Variants in FBXO22 observed in about 807,000 individuals in gnomAD.
FBXO22 encodes F-box only protein 22.
Under a neutral mutation model 37.2 loss-of-function variants are expected in FBXO22, and 13 were observed. The ratio of observed to expected loss-of-function variants is 0.35; its 90% CI spans 0.23 to 0.56. FBXO22 has a LOEUF of 0.56. Ranked by LOEUF, FBXO22 falls within the 20% of genes least tolerant of loss-of-function variation. The pLI, the probability that FBXO22 is intolerant of heterozygous loss-of-function variation, is 0.87. For synonymous variants in FBXO22, 189 were observed against 189.1 expected (o/e 1.00, Z 0.00); for missense variants, 446 against 509.9 (o/e 0.87, Z 1.21).
At chr15:75,923,231 C>G (rs1449836746) in intron 5 of FBXO22, among the ~76,000 whole-genome samples, 1 of 152,082 alleles carries the variant, frequency 6.6e-6, no homozygotes, top group Non-Finnish European at 1.5e-5. Context: ...GATAAAATTG[C>G]TATATTTGTT....
At chr15:75,929,732 GATAAAAA>G (rs1287125108) in intron 5 of FBXO22, 145 bp from the exon 6 acceptor site, 9 of 707,102 alleles carry the variant, frequency 1.3e-5, no homozygotes, top group Middle Eastern at 4.2e-4. Context: ...TATAAAATAA[GATAAAAA>G]ATAAAAAATG....
chr15:75,913,182 A>ATTTTTTTTTTTTTTTTTT (rs367627596), intron 2 of FBXO22, 21 bp from the exon 3 acceptor site: 8 of 1,178,226 alleles, frequency 6.8e-6, no homozygotes, highest in Non-Finnish European at 7.1e-6. Context: ...TCCAATTCCA[A>ATTTTTTTTTTTTTTTTTT]TTTTTTTTTT....
chr15:75,932,642 T>C, intron 6 of FBXO22, 43 bp from the exon 7 acceptor site: 1 of 1,522,604 alleles, frequency 6.6e-7, no homozygotes, highest in Non-Finnish European at 8.8e-7. Context: ...ACTTAAAAAT[T>C]TTAATGTTTC....
intron 3 of FBXO22, among the ~76,000 whole-genome samples, chr15:75,913,875 A>G (rs1900124683): frequency 6.6e-6 from 1 of 152,226 alleles, no homozygotes; most frequent in Admixed American, 6.5e-5. Context: ...GGCAAAAGCA[A>G]TATATGAACA....
At chr15:75,924,762 G>A (rs1430949843) in intron 5 of FBXO22, among the ~76,000 whole-genome samples, 2 of 152,168 alleles carry the variant, frequency 1.3e-5, no homozygotes, top group South Asian at 2.1e-4. Flanking sequence ...ACTGCTGAGC[G>A]TTGGCAAGAT....
rs2030127789 is a variant in FBXO22 at position 75,933,203 on chromosome 15, A to ATATC, written c.*103_*106dup. ...ATTTCAAACAAAAATAACTTTAGAT[A>ATATC]TATCTTTTTTGTAGCTTTGATTGAT... On this transcript the variant is annotated 3_prime_UTR_variant, in exon 7 of 7. Coordinates refer to ENST00000308275, the MANE Select transcript of FBXO22 (RefSeq NM_147188.3). 4 of 999,586 alleles carry ATATC rather than the reference A, an allele frequency of 4.0e-6. No individual in the cohort carries two copies. In the African/African-American group the frequency reaches 4.9e-5, roughly 12 times the overall value. The allele number at this position is 999,586 out of a possible 1,614,324, so 61.9% of individuals were successfully genotyped here.
chr15:75,903,882 C>G lies in FBXO22; in HGVS notation c.-82C>G. Reference sequence around the variant, plus strand: ...AAGTGGCGCGGACGCCTGCTCAGTGCGCGCCGGCCGGGCAACCCTATGCTG... The same window carrying G: ...AAGTGGCGCGGACGCCTGCTCAGTGGGCGCCGGCCGGGCAACCCTATGCTG... On this transcript the variant is annotated 5_prime_UTR_variant, in exon 1 of 7. Coordinates refer to ENST00000308275, the MANE Select transcript of FBXO22 (RefSeq NM_147188.3). The G allele has an allele frequency of 7.2e-7, 1 of 1,389,976 alleles. No individual in the cohort carries two copies. Among genetic ancestry groups the G allele is most frequent in the African/African-American group, 1.5e-5 (1 of 67,700 alleles). The allele number at this position is 1,389,976 out of a possible 1,614,324, so 86.1% of individuals were successfully genotyped here.
At chr15:75,914,351 T>C in intron 4 of FBXO22, 146 bp downstream of exon 4, 2 of 613,966 alleles carry the variant, frequency 3.3e-6, no homozygotes, top group South Asian at 4.1e-5. Flanking sequence ...CATGGCATTA[T>C]ATTTGCCTTA....
chr15:75,913,343 G>A (rs1322348775), intron 3 of FBXO22, 53 bp downstream of exon 3: 7 of 1,247,272 alleles, frequency 5.6e-6, no homozygotes, highest in South Asian at 3.6e-5. Flanking sequence ...TGTGCCTTCC[G>A]TTCGGAGTTC....
chr15:75,930,321 C>G, intron 6 of FBXO22: 2 of 1,356,546 alleles, frequency 1.5e-6, no homozygotes, highest in Non-Finnish European at 1.9e-6. Context: ...TTTCCTTTGA[C>G]AGATGTGGTA....
Position 75,929,940 on chromosome 15 carries a change from A to G in FBXO22, c.685A>G (p.Lys229Glu). The change falls in exon 6 of 7, where the codon AAG (lysine) becomes GAG (glutamate). Residue 229 changes from lysine (K) to glutamate (E), a missense_variant. This residue lies in a region of FBXO22 where 315 missense variants were observed against 410.1 expected (regional missense o/e 0.77). Transcript: ENST00000308275. ...CCTTGTCTTTGGTTATAATTGCTGT[A>G]AGGTGGGAGCCAGTAATTATCTGCA... ...VVLVFGYNCCKVGASNYLQQV... is the reference protein window; with the variant it reads ...VVLVFGYNCCEVGASNYLQQV... The G allele has an allele frequency of 6.2e-7, 1 of 1,614,070 alleles. No homozygotes were observed. Among genetic ancestry groups the G allele is most frequent in the Non-Finnish European group, 8.5e-7 (1 of 1,179,940 alleles).
Position 75,941,352 on chromosome 15 carries a change from T to TGTA in FBXO22, c.*8252_*8254dup, listed in dbSNP as rs1297494873. 1 of 152,202 alleles carries TGTA rather than the reference T, an allele frequency of 6.6e-6. No individual in the cohort carries two copies. Among genetic ancestry groups the TGTA allele is most frequent in the Non-Finnish European group, 1.5e-5 (1 of 68,000 alleles). 9.4% of individuals were successfully genotyped at this position (152,202 alleles called of 1,614,324 possible). A position where few individuals can be genotyped will look rare whatever the true frequency, so the allele number is the denominator to read the frequency against. Reference sequence around the variant, plus strand: ...TGGAAATATAGTGGTATGCAGCTGCTGTAGAAAACAGTATGGTGATTTTCC... The same window carrying TGTA: ...TGGAAATATAGTGGTATGCAGCTGCTGTAGTAGAAAACAGTATGGTGATTTTCC... On this transcript the variant is annotated 3_prime_UTR_variant, in exon 7 of 7. Transcript: ENST00000308275.
At chr15:75,921,222 G>A (rs1348339398) in intron 5 of FBXO22, among the ~76,000 whole-genome samples, 1 of 152,156 alleles carries the variant, frequency 6.6e-6, no homozygotes, top group Non-Finnish European at 1.5e-5. Context: ...TACCTCTATA[G>A]GGCACTTAAC....
chr15:75,909,370 C>T (rs1214697005), intron 2 of FBXO22, among the ~76,000 whole-genome samples: 4 of 152,014 alleles, frequency 2.6e-5, no homozygotes, highest in Non-Finnish European at 5.9e-5. Context: ...ATGGGGAAGT[C>T]GGTGTGTCTG....
At chr15:75,914,307 C>T in intron 4 of FBXO22, 102 bp downstream of exon 4, 4 of 761,722 alleles carry the variant, frequency 5.3e-6, no homozygotes, top group Non-Finnish European at 8.8e-6. Flanking sequence ...CTATTTCTGT[C>T]CATCTAAAAT....
intron 2 of FBXO22, among the ~76,000 whole-genome samples, chr15:75,905,322 C>T (rs1452084132): frequency 6.6e-6 from 1 of 152,174 alleles, no homozygotes; most frequent in Non-Finnish European, 1.5e-5. Context: ...TGATCCTGTA[C>T]TCTTTTGCTT....
At position 75,933,124 on chromosome 15, in the gene FBXO22, T is replaced by C; in HGVS notation, c.*22T>C. The C allele has an allele frequency of 1.3e-6, 2 of 1,563,342 alleles. No individual in the cohort carries two copies. The highest frequency in any genetic ancestry group is 1.7e-6 in the Non-Finnish European group (2 of 1,157,560). On this transcript the variant is annotated 3_prime_UTR_variant, in exon 7 of 7. Coordinates refer to ENST00000308275, the MANE Select transcript of FBXO22 (RefSeq NM_147188.3). ...ATAATAATTAAAGTGGCTTTCATAA[T>C]ATGTAACTTTTGGGTTCTGCCTTTT... is the stretch of plus-strand genomic sequence containing the variant.
intron 2 of FBXO22, 92 bp downstream of exon 2, chr15:75,904,721 T>G (rs1250578934): frequency 8.2e-7 from 1 of 1,221,184 alleles, no homozygotes; most frequent in Non-Finnish European, 1.0e-6. Context: ...TTTTGTTAAT[T>G]AAAGGAACAT....
At chr15:75,932,604 C>T in intron 6 of FBXO22, 81 bp from the exon 7 acceptor site, 1 of 1,336,092 alleles carries the variant, frequency 7.5e-7, no homozygotes. Flanking sequence ...AGCCTCCCGT[C>T]AGTGAATCAG....
Sources: gnomAD v4.1 joint callset for allele counts (sites outside exome capture counted in the v4.1 genomes callset) on GRCh38, gnomAD v4.1.1 for gene constraint, gnomAD v4.1.1 regional missense constraint, MANE v1.5 for transcripts, NCBI Gene and HGNC (gene_info 2026-07-23, HGNC 2026-07-21) for gene names.